Variants in CELF2 observed in about 807,000 individuals in gnomAD.
CELF2 encodes CUG triplet repeat RNA-binding protein 2.
In CELF2, 8 loss-of-function variants were observed where a neutral mutation model predicts 62.6. The observed-to-expected ratio is 0.13, with a 90% CI of 0.07 to 0.23. CELF2 has a LOEUF of 0.23. CELF2 is among the 10% of genes least tolerant of loss of function. The pLI is 1.00. For missense variants in CELF2, 333 were observed against 671.0 expected, an observed-to-expected ratio of 0.50 and a Z score of 5.56; for synonymous variants, 258 against 250.0, an observed-to-expected ratio of 1.03 and a Z score of -0.30.
intron 2 of CELF2, among the ~76,000 whole-genome samples, chr10:11,172,293 C>T (rs941104573): frequency 6.6e-6 from 1 of 152,158 alleles, no homozygotes; most frequent in African/African-American, 2.4e-5. Flanking sequence ...ACCTATGGGA[C>T]AAACATAAAA....
At chr10:11,136,514 G>A in intron 1 of CELF2, among the ~76,000 whole-genome samples, 1 of 152,188 alleles carries the variant, frequency 6.6e-6, no homozygotes, top group East Asian at 1.9e-4. Context: ...TGAGACAGGA[G>A]AATTACTTTA....
chr10:10,968,765 C>T (rs2050432032), intron 2 of CELF2, among the ~76,000 whole-genome samples: 4 of 151,830 alleles, frequency 2.6e-5, no homozygotes, highest in Admixed American at 2.6e-4. Context: ...GTGGTGGGAC[C>T]ATTGCTTCAT....
intron 9 of CELF2, among the ~76,000 whole-genome samples, chr10:11,295,267 C>A (rs2093032775): frequency 6.6e-6 from 1 of 152,088 alleles, no homozygotes; most frequent in African/African-American, 2.4e-5. Context: ...GGAACTGTTC[C>A]AGCACTGGAG....
the CELF2 span, among the ~76,000 whole-genome samples, chr10:10,545,339 A>T: frequency 6.6e-6 from 1 of 152,210 alleles, no homozygotes; most frequent in African/African-American, 2.4e-5. Context: ...GCCCTGAGAC[A>T]TCAACATTCT....
intron 2 of CELF2, among the ~76,000 whole-genome samples, chr10:10,974,583 T>A (rs1170028743): frequency 6.6e-6 from 1 of 152,226 alleles, no homozygotes; most frequent in Non-Finnish European, 1.5e-5. Flanking sequence ...GGATTAGAAT[T>A]TCAGGTTTTA....
At chr10:10,816,370 G>T (rs1564660925) in intron 1 of CELF2, among the ~76,000 whole-genome samples, 1 of 152,150 alleles carries the variant, frequency 6.6e-6, no homozygotes, top group Non-Finnish European at 1.5e-5. Flanking sequence ...TCTGACTTCA[G>T]ATAAACCTCT....
chr10:10,970,149 G>A (rs760779676), intron 2 of CELF2, among the ~76,000 whole-genome samples: 1 of 152,104 alleles, frequency 6.6e-6, no homozygotes, highest in South Asian at 2.1e-4. Flanking sequence ...GCTCACTGCA[G>A]CCTCCTTCTT....
At chr10:10,697,154 A>C in the CELF2 span, among the ~76,000 whole-genome samples, 1 of 152,254 alleles carries the variant, frequency 6.6e-6, no homozygotes, top group Non-Finnish European at 1.5e-5. Flanking sequence ...CATAGCAAGC[A>C]TCTGACCTGA....
the CELF2 span, among the ~76,000 whole-genome samples, chr10:10,784,169 C>G: frequency 6.6e-6 from 1 of 152,102 alleles, no homozygotes; most frequent in Non-Finnish European, 1.5e-5. Context: ...CAGGGATATG[C>G]CTCATTTATT....
At chr10:10,700,571 G>A in the CELF2 span, among the ~76,000 whole-genome samples, 34 of 152,280 alleles carry the variant, frequency 2.2e-4, no homozygotes, top group South Asian at 8.3e-4. Flanking sequence ...GAGACTGAGC[G>A]CTGGGGCCTG....
At chr10:10,549,968 G>A in the CELF2 span, among the ~76,000 whole-genome samples, 1 of 152,170 alleles carries the variant, frequency 6.6e-6, no homozygotes, top group Non-Finnish European at 1.5e-5. Context: ...GATTTGTCAT[G>A]GAAGAACTTG....
chr10:10,803,404 TCA>T (rs2054870403), intron 1 of CELF2, among the ~76,000 whole-genome samples: 1 of 152,202 alleles, frequency 6.6e-6, no homozygotes, highest in South Asian at 2.1e-4. Context: ...TTTCTCTTTC[TCA>T]GTTATGCAGC....
At chr10:10,935,998 A>C (rs2046345811) in intron 2 of CELF2, among the ~76,000 whole-genome samples, 1 of 110,892 alleles carries the variant, frequency 9.0e-6, no homozygotes, top group Non-Finnish European at 1.6e-5. Context: ...CTAAAAATAC[A>C]AAAAAAAAAA....
Position 11,321,916 on chromosome 10 carries a change from T to G in CELF2, c.1294+530T>G, listed in dbSNP as rs1736500302. On this transcript the variant is annotated intron_variant, in intron 11 of 12. Coordinates refer to ENST00000633077, the MANE Select transcript of CELF2 (RefSeq NM_001326342.2). This position sits in a 1 kb window ranked among gnomAD's most constrained non-coding sequence, Gnocchi z 6.2. ...TCTGCAGATCTAAGTCCAGGAAAGT[T>G]GATCACCTTTCTTGCAATCCCCAAA... is the stretch of plus-strand genomic sequence containing the variant. 6.6e-6 allele frequency among the ~76,000 whole-genome samples: 1 copy of G among 152,242 alleles called. No individual in the cohort carries two copies. Among genetic ancestry groups the G allele is most frequent in the South Asian group, 2.1e-4 (1 of 4,836 alleles).
chr10:10,704,957 G>A, the CELF2 span, among the ~76,000 whole-genome samples: 2 of 151,614 alleles, frequency 1.3e-5, no homozygotes, highest in Non-Finnish European at 2.9e-5. Flanking sequence ...GAAAAGCCAA[G>A]GTGGAAGGAT....
At chr10:11,018,465 G>T (rs1241414531) in intron 1 of CELF2, among the ~76,000 whole-genome samples, 1 of 151,082 alleles carries the variant, frequency 6.6e-6, no homozygotes, top group Non-Finnish European at 1.5e-5. Context: ...GGCGTCCCGG[G>T]TCCCCGCGGG....
intron 7 of CELF2, among the ~76,000 whole-genome samples, chr10:11,273,073 TGA>T (rs1565683741): frequency 6.6e-6 from 1 of 152,042 alleles, no homozygotes; most frequent in Non-Finnish European, 1.5e-5. Context: ...TCTGTGTGCG[TGA>T]GAGTATGTGT....
chr10:11,091,155 T>C (rs148756864), intron 1 of CELF2, among the ~76,000 whole-genome samples: 2 of 152,346 alleles, frequency 1.3e-5, no homozygotes, highest in African/African-American at 4.8e-5. Flanking sequence ...CTTTTTTGTC[T>C]AATCAGCTTC....
chr10:10,626,211 A>G, the CELF2 span, among the ~76,000 whole-genome samples: 3 of 152,102 alleles, frequency 2.0e-5, no homozygotes, highest in African/African-American at 7.2e-5. Flanking sequence ...TTTTTAGTAC[A>G]TGGCAGGTTG....
Sources: allele counts gnomAD v4.1 joint callset (sites outside exome capture counted in the v4.1 genomes callset), GRCh38; gene constraint gnomAD v4.1.1; non-coding constraint Gnocchi (gnomAD v3.1); transcripts MANE v1.5; gene names NCBI Gene and HGNC (gene_info 2026-07-23, HGNC 2026-07-21).